Variants in GFOD1 observed in about 807,000 individuals in gnomAD.
The protein encoded by GFOD1 is glucose-fructose oxidoreductase domain-containing protein 1.
Under a neutral mutation model 25.4 loss-of-function variants are expected in GFOD1, and 9 were observed. The observed-to-expected ratio is 0.35, with a 90% CI of 0.21 to 0.62. GFOD1 has a LOEUF of 0.62. Ranked by LOEUF, GFOD1 falls within the 20% of genes least tolerant of loss-of-function variation. The pLI is 0.72. For missense variants in GFOD1, 403 were observed against 556.9 expected (o/e 0.72, Z 2.78); for synonymous variants, 253 against 245.6 (o/e 1.03, Z -0.28).
chr6:13,397,808 G>C (rs1785764622), intron 1 of GFOD1, among the ~76,000 whole-genome samples: 2 of 152,184 alleles, frequency 1.3e-5, no homozygotes, highest in Non-Finnish European at 2.9e-5. Context: ...AATTTGAATG[G>C]GGGCAGGGGC....
chr6:13,462,796 A>G (rs1478693074), intron 1 of GFOD1, among the ~76,000 whole-genome samples: 1 of 152,206 alleles, frequency 6.6e-6, no homozygotes, highest in Non-Finnish European at 1.5e-5. Context: ...CACAACAAAA[A>G]CAAACTAAAC....
chr6:13,408,567 A>C (rs1785988061), intron 1 of GFOD1, among the ~76,000 whole-genome samples: 1 of 152,146 alleles, frequency 6.6e-6, no homozygotes, highest in Admixed American at 6.5e-5. Context: ...CAGTGAGTCA[A>C]AATAAAATCC....
At chr6:13,483,480 G>T (rs1258524079) in intron 1 of GFOD1, among the ~76,000 whole-genome samples, 2 of 152,182 alleles carry the variant, frequency 1.3e-5, no homozygotes, top group Non-Finnish European at 2.9e-5. Flanking sequence ...TTTCCTGAAA[G>T]GGGAAACGAT....
chr6:13,441,717 A>G (rs957017678), intron 1 of GFOD1, among the ~76,000 whole-genome samples: 3 of 152,248 alleles, frequency 2.0e-5, no homozygotes, highest in Non-Finnish European at 4.4e-5. Flanking sequence ...TTCCTATGGC[A>G]TATTTCTGGT....
intron 1 of GFOD1, among the ~76,000 whole-genome samples, chr6:13,436,474 C>A (rs1351195220): frequency 3.9e-5 from 6 of 152,212 alleles, no homozygotes; most frequent in Non-Finnish European, 5.9e-5. Flanking sequence ...TAAGTTTTCA[C>A]TTACTGTATC....
At chr6:13,468,695 T>A (rs191065764) in intron 1 of GFOD1, among the ~76,000 whole-genome samples, 1 of 152,198 alleles carries the variant, frequency 6.6e-6, no homozygotes, top group East Asian at 1.9e-4. Context: ...TTCCCCTGGG[T>A]GTTAGGAGAG....
At chr6:13,440,620 C>T (rs1462939358) in intron 1 of GFOD1, among the ~76,000 whole-genome samples, 1 of 152,198 alleles carries the variant, frequency 6.6e-6, no homozygotes, top group Non-Finnish European at 1.5e-5. Context: ...GTTCGGACTT[C>T]CTCCCATTTC....
At chr6:13,404,267 G>A (rs1194020284) in intron 1 of GFOD1, among the ~76,000 whole-genome samples, 2 of 152,302 alleles carry the variant, frequency 1.3e-5, no homozygotes, top group South Asian at 2.1e-4. Context: ...GCACCAGGAA[G>A]TCACAAAGCC....
intron 1 of GFOD1, among the ~76,000 whole-genome samples, chr6:13,465,332 A>AT (rs1758361279): frequency 6.6e-6 from 1 of 152,180 alleles, no homozygotes. Context: ...CAGGGGTTGG[A>AT]CAAGCTTGAT....
At chr6:13,394,883 T>A (rs935938563) in intron 1 of GFOD1, among the ~76,000 whole-genome samples, 10 of 152,212 alleles carry the variant, frequency 6.6e-5, no homozygotes, top group African/African-American at 2.2e-4. Context: ...TCCACCAGCC[T>A]GGGCCTCCCA....
intron 1 of GFOD1, among the ~76,000 whole-genome samples, chr6:13,474,182 C>G (rs1388457038): frequency 6.6e-6 from 1 of 152,094 alleles, no homozygotes; most frequent in Non-Finnish European, 1.5e-5. Flanking sequence ...GAGTTTGAGA[C>G]CAGCCTGACC....
chr6:13,422,668 T>A (rs1786280472), intron 1 of GFOD1, among the ~76,000 whole-genome samples: 1 of 152,088 alleles, frequency 6.6e-6, no homozygotes, highest in African/African-American at 2.4e-5. Context: ...GAAACCCGTG[T>A]CCCCCTCCAT....
rs965857859 is a variant in GFOD1, at chr6:13,365,322, C to T, written c.594G>A (p.Leu198=). 2.5e-6 allele frequency: 4 copies of T among 1,614,098 alleles called. No individual in the cohort carries two copies. The highest frequency in any genetic ancestry group is 3.4e-6 in the Non-Finnish European group (4 of 1,180,030). Reference sequence around the variant, plus strand: ...CAGTCTGCTTCACGAAGGTCTTGAGCAGCCCGTGGACCTTGACGGCCTTTT... The same window carrying T: ...CAGTCTGCTTCACGAAGGTCTTGAGTAGCCCGTGGACCTTGACGGCCTTTT... The part of the protein sequence containing the change: ...TGQKAVKVHG[L]LKTFVKQTDH... Residue 198 remains leucine (L), a synonymous_variant, in exon 2 of 2, where the codon CTG becomes CTA. Transcript: ENST00000379287. The surrounding 1 kb of genome is among the most constrained non-coding windows in gnomAD (Gnocchi z 9.2).
At chr6:13,375,623 T>C (rs1337959030) in intron 1 of GFOD1, among the ~76,000 whole-genome samples, 1 of 152,192 alleles carries the variant, frequency 6.6e-6, no homozygotes, top group Non-Finnish European at 1.5e-5. Flanking sequence ...ATGGCTGATG[T>C]TGATGGGACT....
intron 1 of GFOD1, among the ~76,000 whole-genome samples, chr6:13,427,884 A>G (rs1168703076): frequency 6.6e-6 from 1 of 152,172 alleles, no homozygotes; most frequent in African/African-American, 2.4e-5. Context: ...CACCAGGCTG[A>G]GCCTCGTGAC....
chr6:13,429,656 A>G (rs115250714), intron 1 of GFOD1, among the ~76,000 whole-genome samples: 3,890 of 152,310 alleles, frequency 0.026, 76 homozygotes, highest in Non-Finnish European at 0.037. Flanking sequence ...AAGAAATAGA[A>G]CAGGGCACAA....
intron 1 of GFOD1, among the ~76,000 whole-genome samples, chr6:13,472,410 C>G (rs2560812): frequency 6.6e-6 from 1 of 152,118 alleles, no homozygotes; most frequent in South Asian, 2.1e-4. Context: ...ATAAATGGAC[C>G]GTAGTTCACC....
intron 1 of GFOD1, among the ~76,000 whole-genome samples, chr6:13,384,306 C>T (rs138249772): frequency 2.0e-5 from 3 of 152,290 alleles, no homozygotes; most frequent in East Asian, 1.9e-4. Context: ...TTTTTTAAAG[C>T]ACCTGCTAAG....
chr6:13,422,340 A>T (rs972178923), intron 1 of GFOD1, among the ~76,000 whole-genome samples: 3 of 152,194 alleles, frequency 2.0e-5, no homozygotes, highest in African/African-American at 7.2e-5. Context: ...CTGCAAATGC[A>T]GAAAATGGCG....
Sources: allele counts gnomAD v4.1 joint callset (sites outside exome capture counted in the v4.1 genomes callset), GRCh38; gene constraint gnomAD v4.1.1; non-coding constraint Gnocchi (gnomAD v3.1); transcripts MANE v1.5; gene names NCBI Gene and HGNC (gene_info 2026-07-23, HGNC 2026-07-21).